Variants in ARHGEF7 observed in about 807,000 individuals in gnomAD.
ARHGEF7 encodes the protein PAK-interacting exchange factor beta.
In ARHGEF7, 33 loss-of-function variants were observed where a neutral mutation model predicts 109.8. The observed-to-expected ratio is 0.30, with a 90% CI of 0.23 to 0.40. The LOEUF is 0.40. ARHGEF7 is among the 10% of genes least tolerant of loss of function. ARHGEF7 has a pLI of 1.00. For synonymous variants in ARHGEF7, 458 were observed against 424.6 expected (o/e 1.08, Z -0.97); for missense variants, 938 against 1,098.5 (o/e 0.85, Z 2.07).
chr13:111,248,664 G>T (rs566388496), intron 8 of ARHGEF7, among the ~76,000 whole-genome samples: 30 of 152,076 alleles, frequency 2.0e-4, no homozygotes, highest in Non-Finnish European at 3.4e-4. Flanking sequence ...TTTAGTTTGA[G>T]AATTTTTTTC....
At chr13:111,121,803 C>T (rs1347947367) in intron 1 of ARHGEF7, among the ~76,000 whole-genome samples, 5 of 152,140 alleles carry the variant, frequency 3.3e-5, no homozygotes, top group Non-Finnish European at 5.9e-5. Flanking sequence ...TCTGTGACTT[C>T]CGGCACCTGT....
Position 111,305,592 on chromosome 13 carries a change from T to A in ARHGEF7, c.*2479T>A, listed in dbSNP as rs2093633986. 6.6e-6 allele frequency: 1 copy of A among 152,216 alleles called. No homozygotes were observed. The highest frequency in any genetic ancestry group is 1.5e-5 in the Non-Finnish European group (1 of 68,046). 9.4% of individuals were successfully genotyped at this position (152,216 alleles called of 1,614,324 possible). A position where few individuals can be genotyped will look rare whatever the true frequency, so the allele number is the denominator to read the frequency against. On this transcript the variant is annotated 3_prime_UTR_variant, in exon 22 of 22. Coordinates refer to ENST00000646102, the MANE Select transcript of ARHGEF7 (RefSeq NM_001354046.2). ...CCTTAATGCCAATCATTTCTTCACT[T>A]CTCTGGGACACCCAGGGCGCCTGTT... is the stretch of plus-strand genomic sequence containing the variant.
chr13:111,117,868 C>A (rs2066907806), intron 1 of ARHGEF7, among the ~76,000 whole-genome samples: 1 of 152,166 alleles, frequency 6.6e-6, no homozygotes, highest in African/African-American at 2.4e-5. Context: ...AGCCAGTTAT[C>A]TGGGTTTTTG....
intron 6 of ARHGEF7, among the ~76,000 whole-genome samples, chr13:111,234,145 G>A (rs934174889): frequency 2.6e-5 from 4 of 152,088 alleles, no homozygotes; most frequent in Non-Finnish European, 2.9e-5. Context: ...ATGAACCCAC[G>A]AGACCTTTGA....
At chr13:111,231,326 T>C (rs2086021911) in intron 5 of ARHGEF7, among the ~76,000 whole-genome samples, 1 of 152,230 alleles carries the variant, frequency 6.6e-6, no homozygotes, top group South Asian at 2.1e-4. Flanking sequence ...TTTTCCTCCT[T>C]GTAGCTCTTA....
intron 1 of ARHGEF7, among the ~76,000 whole-genome samples, chr13:111,134,378 A>G (rs145710224): frequency 6.6e-6 from 1 of 152,214 alleles, no homozygotes; most frequent in African/African-American, 2.4e-5. Flanking sequence ...ACTGTCTTCC[A>G]CACTGGTTGA....
chr13:111,211,945 C>T (rs1354783175), intron 4 of ARHGEF7, among the ~76,000 whole-genome samples: 3 of 152,118 alleles, frequency 2.0e-5, no homozygotes, highest in African/African-American at 7.2e-5. Context: ...TTTGAGATTG[C>T]GTAAGACGCT....
chr13:111,242,418 AATG>A (rs1437842380), intron 6 of ARHGEF7, among the ~76,000 whole-genome samples: 1 of 152,186 alleles, frequency 6.6e-6, no homozygotes, highest in African/African-American at 2.4e-5. Context: ...GATTATCAAA[AATG>A]ATGGGGACAG....
chr13:111,131,839 A>G lies in ARHGEF7; in HGVS notation c.165+16148A>G, dbSNP rs145643275. Among the ~76,000 whole-genome samples the G allele has an allele frequency of 6.6e-6, 1 of 152,172 alleles. No homozygotes were observed. The highest frequency in any genetic ancestry group is 2.4e-5 in the African/African-American group (1 of 41,438). ...GCCAGCACACACCCAGAGCCCACAT[A>G]CTGGAGCAATGCAGGCATGCCCAGG... On this transcript the variant is annotated intron_variant, in intron 1 of 21. Coordinates refer to ENST00000646102, the MANE Select transcript of ARHGEF7 (RefSeq NM_001354046.2). The surrounding 1 kb of genome is among the most constrained non-coding windows in gnomAD (Gnocchi z 4.4).
At position 111,115,396 on chromosome 13, in the gene ARHGEF7, C is replaced by CGCCGA. The variant is rs2066663283; in HGVS notation, c.-127_-123dup. On this transcript the variant is annotated 5_prime_UTR_variant, in exon 1 of 22. Transcript: ENST00000646102. The stretch of plus-strand genomic sequence containing the variant: ...GGGCCGGGCCGGACCTGCTGGGCCG[C>CGCCGA]GCCGAGCCAATCGCCGGCGCCGGCC... 1.7e-6 allele frequency: 1 copy of CGCCGA among 573,276 alleles called. No individual in the cohort carries two copies. The highest frequency in any genetic ancestry group is 2.2e-6 in the Non-Finnish European group (1 of 456,536). The allele number at this position is 573,276 out of a possible 1,614,324, so 35.5% of individuals were successfully genotyped here.
At chr13:111,240,694 A>C (rs2087615607) in intron 6 of ARHGEF7, among the ~76,000 whole-genome samples, 1 of 152,254 alleles carries the variant, frequency 6.6e-6, no homozygotes, top group South Asian at 2.1e-4. Flanking sequence ...TCTCTGTAGC[A>C]GTGGACAGGG....
intron 6 of ARHGEF7, among the ~76,000 whole-genome samples, 195 bp from the exon 7 acceptor site, chr13:111,243,677 G>A (rs966533235): frequency 2.0e-5 from 3 of 152,150 alleles, no homozygotes; most frequent in Non-Finnish European, 2.9e-5. Flanking sequence ...TCAGTTGTAT[G>A]GCCTTAGTAA....
rs1017157015 is a variant in ARHGEF7 at position 111,247,563 on chromosome 13, G to A, written c.950+3269G>A. Reference sequence around the variant, plus strand: ...TGGGATTACAGGCGTGAGCAACCACGCCTGGCCTTCATATTCATTATTTCT... The same window carrying A: ...TGGGATTACAGGCGTGAGCAACCACACCTGGCCTTCATATTCATTATTTCT... On this transcript the variant is annotated intron_variant, in intron 8 of 21. Coordinates refer to ENST00000646102, the MANE Select transcript of ARHGEF7 (RefSeq NM_001354046.2). Among the ~76,000 whole-genome samples, 30 of 152,028 alleles carry A rather than the reference G, an allele frequency of 2.0e-4. 1 individual carries two copies. The highest frequency in any genetic ancestry group is 7.3e-5 in the African/African-American group (3 of 41,372).
intron 2 of ARHGEF7, among the ~76,000 whole-genome samples, chr13:111,190,355 G>T (rs2079736278): frequency 6.6e-6 from 1 of 151,916 alleles, no homozygotes; most frequent in African/African-American, 2.4e-5. Context: ...GTAAACACCG[G>T]GCAGCATCTC....
chr13:111,302,299 C>T (rs1370135638), intron 21 of ARHGEF7, among the ~76,000 whole-genome samples: 1 of 151,802 alleles, frequency 6.6e-6, no homozygotes, highest in Non-Finnish European at 1.5e-5. Context: ...AATGTGAGTA[C>T]GAGCGGCTTT....
At chr13:111,124,878 G>A (rs1735304207) in intron 1 of ARHGEF7, among the ~76,000 whole-genome samples, 2 of 152,112 alleles carry the variant, frequency 1.3e-5, no homozygotes, top group African/African-American at 4.8e-5. Flanking sequence ...TCTTGCCCCC[G>A]CCTCTCGAGT....
chr13:111,288,462 C>T lies in ARHGEF7; in HGVS notation c.2134+19C>T. ...AATTCAAGTAAGTTTAGCAATAAGGCCTGGGAAGTGTGGTGGTTTATTCTG... is the reference window on the plus strand; with the variant it reads ...AATTCAAGTAAGTTTAGCAATAAGGTCTGGGAAGTGTGGTGGTTTATTCTG... On this transcript the variant is annotated intron_variant, in intron 18 of 21. Coordinates refer to ENST00000646102, the MANE Select transcript of ARHGEF7 (RefSeq NM_001354046.2). 1.9e-6 allele frequency: 3 copies of T among 1,583,730 alleles called. No homozygotes were observed. The highest frequency in any genetic ancestry group is 2.6e-6 in the Non-Finnish European group (3 of 1,153,060).
At chr13:111,212,868 G>A (rs1408593150) in intron 4 of ARHGEF7, among the ~76,000 whole-genome samples, 1 of 152,194 alleles carries the variant, frequency 6.6e-6, no homozygotes, top group Non-Finnish European at 1.5e-5. Context: ...GTAATTGACA[G>A]TATTTGGTGG....
intron 5 of ARHGEF7, among the ~76,000 whole-genome samples, chr13:111,227,351 T>A (rs1327944743): frequency 6.6e-6 from 1 of 152,200 alleles, no homozygotes; most frequent in African/African-American, 2.4e-5. Flanking sequence ...ACTGGCACAC[T>A]TCATTGTCTT....
Sources: gnomAD v4.1 joint callset for allele counts (sites outside exome capture counted in the v4.1 genomes callset) on GRCh38, gnomAD v4.1.1 for gene constraint, Gnocchi (gnomAD v3.1) non-coding constraint, MANE v1.5 for transcripts, NCBI Gene and HGNC (gene_info 2026-07-23, HGNC 2026-07-21) for gene names.